The following COX18 variants were observed in gnomAD, a reference collection of about 807,000 sequenced individuals.
COX18 encodes cytochrome c oxidase assembly protein COX18, mitochondrial.
A neutral mutation model predicts 38.0 loss-of-function variants in COX18; 45 were observed. The observed-to-expected ratio is 1.18, with a 90% confidence interval of 0.93 to 1.52. The LOEUF is 1.52. Among genes scored for constraint, COX18 ranks in the 40% most tolerant of loss-of-function variants. COX18 has a pLI of 0.00. For synonymous variants in COX18, 177 were observed against 169.8 expected, an observed-to-expected ratio of 1.04 and a Z score of -0.33; for missense variants, 462 against 423.8, an observed-to-expected ratio of 1.09 and a Z score of -0.79.
chr4:73,065,015 A>G, intron 3 of COX18, 113 bp from the exon 4 acceptor site: 2 of 1,094,290 alleles, frequency 1.8e-6, no homozygotes, highest in South Asian at 3.1e-5. Flanking sequence ...CACAGGAAAG[A>G]TCTGCACTGG....
At position 73,056,101 on chromosome 4, in the gene COX18, T is replaced by C. The variant is rs1197680064; in HGVS notation, c.*2013A>G. Reference sequence around the variant, plus strand: ...CTAATGAATTTCACTTTAGTTTTTATTTTATTGTAAAACATTGAGATGGAA... The same window carrying C: ...CTAATGAATTTCACTTTAGTTTTTACTTTATTGTAAAACATTGAGATGGAA... On this transcript the variant is annotated 3_prime_UTR_variant, in exon 6 of 6. Transcript: ENST00000507544. 2 of 152,210 alleles carry C rather than the reference T, an allele frequency of 1.3e-5. No homozygotes were observed. Among genetic ancestry groups the C allele is most frequent in the African/African-American group, 4.8e-5 (2 of 41,458 alleles). 9.4% of individuals were successfully genotyped at this position (152,210 alleles called of 1,614,324 possible). A position where few individuals can be genotyped will look rare whatever the true frequency, so the allele number is the denominator to read the frequency against.
intron 5 of COX18, among the ~76,000 whole-genome samples, chr4:73,060,984 G>C (rs1720127408): frequency 6.6e-6 from 1 of 152,114 alleles, no homozygotes; most frequent in Non-Finnish European, 1.5e-5. Context: ...AGTAAACATG[G>C]AGATATACCT....
rs1245523237 is a variant in COX18 at position 73,061,917 on chromosome 4, A to T, written c.727T>A (p.Cys243Ser). 1.3e-6 allele frequency: 2 copies of T among 1,547,938 alleles called. No homozygotes were observed. Among genetic ancestry groups the T allele is most frequent in the East Asian group, 4.5e-5 (2 of 44,512 alleles). The change falls in exon 5 of 6, where the codon TGT becomes AGT. Residue 243 changes from cysteine to serine, a missense_variant. By Grantham distance (112) the Cys-to-Ser change is moderately radical. Transcript: ENST00000507544. ...GACATTCCAATTTTTTGTAGAGCACAAATCTGAAGGGGTAGAACATATACA... is the reference window on the plus strand; with the variant it reads ...GACATTCCAATTTTTTGTAGAGCACTAATCTGAAGGGGTAGAACATATACA... ...GVINLLIVEI[C>S]ALQKIGMSRF...
Position 73,064,802 on chromosome 4 carries a change from G to A in COX18, c.699C>T (p.Gly233=), listed in dbSNP as rs61741433. 1.1e-3 allele frequency: 1,798 copies of A among 1,613,620 alleles called. 6 individuals carry two copies. In the African/African-American group the frequency reaches 0.013, roughly 12 times the overall value. ...DSTWILPISV[G]VINLLIVEIC... is the part of the protein sequence containing the mutation. ...CCTCCACTATTAACAAATTGATGAC[G>A]CCAACAGAGATAGGCAGAATCCAAG... is the stretch of plus-strand genomic sequence containing the variant. The change falls in exon 4 of 6, where the codon GGC becomes GGT. Residue 233 remains glycine, a synonymous_variant. Transcript: ENST00000507544.
At position 73,069,706 on chromosome 4, in the gene COX18, G is replaced by C; in HGVS notation, c.-57C>G. The C allele has an allele frequency of 6.7e-7, 1 of 1,483,718 alleles. No individual in the cohort carries two copies. Among genetic ancestry groups the C allele is most frequent in the South Asian group, 1.2e-5 (1 of 82,654 alleles). 91.9% of individuals were successfully genotyped at this position (1,483,718 alleles called of 1,614,324 possible). A position where few individuals can be genotyped will look rare whatever the true frequency, so the allele number is the denominator to read the frequency against. On this transcript the variant is annotated 5_prime_UTR_variant, in exon 1 of 6. Transcript: ENST00000507544. ...CCTCACAATCCAGCGGACATACACC[G>C]GCCAGCCAAGGCTGATACGCGCACG...
In COX18 at chr4:73,069,587, C is replaced by A; in HGVS notation, c.63G>T (p.Arg21Ser). ...TAGGAACCGGCGCAAGCGGCAGGTC[C>A]CTAGCCCAAAGCTGCAGGGCAGGGA... The part of the protein sequence containing the change: ...RPLPALQLWA[R>S]DLPLAPVPTS... Residue 21 changes from arginine (R) to serine (S), a missense_variant, in exon 1 of 6, where the codon AGG (arginine) becomes AGT (serine). Physicochemically the swap from Arg to Ser is moderately radical, Grantham distance 110. Transcript: ENST00000507544. 6.4e-7 allele frequency: 1 copy of A among 1,560,250 alleles called. No homozygotes were observed. The highest frequency in any genetic ancestry group is 2.4e-5 in the East Asian group (1 of 42,046).
rs1719958220 is a variant in COX18 at position 73,057,633 on chromosome 4, T to A, written c.*481A>T. 1 of 152,754 alleles carries A rather than the reference T, an allele frequency of 6.5e-6. No homozygotes were observed. The highest frequency in any genetic ancestry group is 1.5e-5 in the Non-Finnish European group (1 of 68,444). The allele number at this position is 152,754 out of a possible 1,614,324, so 9.5% of individuals were successfully genotyped here. A position where few individuals can be genotyped will look rare whatever the true frequency, so the allele number is the denominator to read the frequency against. On this transcript the variant is annotated 3_prime_UTR_variant, in exon 6 of 6. Transcript: ENST00000507544. ...CACAAACATACTGCATTTATAACAT[T>A]TAAAAGATTTTAATTACTGTCAAAT...
At chr4:73,064,962 A>T in intron 3 of COX18, 60 bp from the exon 4 acceptor site, 5 of 1,520,450 alleles carry the variant, frequency 3.3e-6, no homozygotes, top group Non-Finnish European at 4.5e-6. Flanking sequence ...AAAAATATAT[A>T]AGACATAAAT....
At chr4:73,065,648 T>G (rs1720414276) in intron 2 of COX18, among the ~76,000 whole-genome samples, 1 of 152,204 alleles carries the variant, frequency 6.6e-6, no homozygotes, top group Non-Finnish European at 1.5e-5. Context: ...ATTGTCAGAC[T>G]ACAGGCTTTG....
chr4:73,059,382 C>T (rs1037178099), intron 5 of COX18, among the ~76,000 whole-genome samples: 8 of 152,212 alleles, frequency 5.3e-5, no homozygotes, highest in African/African-American at 1.9e-4. Flanking sequence ...ACTGCATCTA[C>T]CTCAGAGGAT....
chr4:73,063,792 T>C (rs13101277), intron 4 of COX18, among the ~76,000 whole-genome samples: 54,010 of 152,082 alleles, frequency 0.36, 11,079 homozygotes, highest in East Asian at 0.49. Flanking sequence ...TTTCCTCATC[T>C]GAAAGAATAA....
At chr4:73,066,244 C>A (rs1720441083) in intron 2 of COX18, among the ~76,000 whole-genome samples, 2 of 152,206 alleles carry the variant, frequency 1.3e-5, no homozygotes, top group South Asian at 4.1e-4. Context: ...ATATTCTGGT[C>A]TGAATGACTT....
Position 73,068,051 on chromosome 4 carries a change from C to T in COX18, c.412G>A (p.Gly138Arg), listed in dbSNP as rs1436526361. 2 of 1,611,228 alleles carry T rather than the reference C, an allele frequency of 1.2e-6. No homozygotes were observed. The highest frequency in any genetic ancestry group is 4.5e-5 in the East Asian group (2 of 44,736). The change falls in exon 2 of 6, where the codon GGG becomes AGG. Residue 138 changes from glycine to arginine, a missense_variant. By Grantham distance (125) the Gly-to-Arg change is moderately radical. Transcript: ENST00000507544. ...TACCTGGCATCTCTTTTGGACCACC[C>T]CAACTGATTTGCACGAACTGCAACT... is the stretch of plus-strand genomic sequence containing the variant. ...QEVAVRANQL[G>R]WSKRDARLTY...
rs1288284594 is a variant in COX18 at position 73,064,666 on chromosome 4, CT to C, written c.723+111del. Reference sequence around the variant, plus strand: ...TGGAACCAGGAACCAAGGGATCTCACTTCTAACTCAGAGCTATCTTCACCAA... The same window carrying C: ...TGGAACCAGGAACCAAGGGATCTCACTCTAACTCAGAGCTATCTTCACCAA... On this transcript the variant is annotated intron_variant, in intron 4 of 5. Coordinates refer to ENST00000507544, the MANE Select transcript of COX18 (RefSeq NM_001297732.2). 30 of 1,275,378 alleles carry C rather than the reference CT, an allele frequency of 2.4e-5. No individual in the cohort carries two copies. The Admixed American group carries it at 4.3e-4, about 18-fold the overall frequency. The allele number at this position is 1,275,378 out of a possible 1,614,324, so 79.0% of individuals were successfully genotyped here.
intron 4 of COX18, among the ~76,000 whole-genome samples, chr4:73,063,358 T>C (rs966513409): frequency 4.6e-5 from 7 of 151,984 alleles, no homozygotes; most frequent in Non-Finnish European, 7.4e-5. Flanking sequence ...TTGCACATAG[T>C]GTATGTTGAG....
chr4:73,067,996 G>A, intron 2 of COX18, 33 bp downstream of exon 2: 1 of 1,246,826 alleles, frequency 8.0e-7, no homozygotes, highest in Non-Finnish European at 1.2e-6. Flanking sequence ...GTGTATGTGT[G>A]CGTATGGTCT....
chr4:73,054,912 C>T lies in COX18; in HGVS notation c.*3202G>A, dbSNP rs1719832252. On this transcript the variant is annotated 3_prime_UTR_variant, in exon 6 of 6. Coordinates refer to ENST00000507544, the MANE Select transcript of COX18 (RefSeq NM_001297732.2). ...AGTCATCACATGAGCATACAAAAGA[C>T]ACTTAACTCTGCAGATTCCGCTGGA... 1 of 152,186 alleles carries T rather than the reference C, an allele frequency of 6.6e-6. No homozygotes were observed. The highest frequency in any genetic ancestry group is 1.5e-5 in the Non-Finnish European group (1 of 68,030). 9.4% of individuals were successfully genotyped at this position (152,186 alleles called of 1,614,324 possible).
intron 4 of COX18, 112 bp downstream of exon 4, chr4:73,064,666 C>T: frequency 7.8e-7 from 1 of 1,275,376 alleles, no homozygotes; most frequent in East Asian, 2.7e-5. Flanking sequence ...AGGGATCTCA[C>T]TTCTAACTCA....
At chr4:73,062,663 C>T (rs1377380530) in intron 4 of COX18, among the ~76,000 whole-genome samples, 1 of 152,094 alleles carries the variant, frequency 6.6e-6, no homozygotes, top group African/African-American at 2.4e-5. Context: ...ATAGCGAAAC[C>T]ATCTCTACAG....
Sources: gnomAD v4.1 joint callset for allele counts (sites outside exome capture counted in the v4.1 genomes callset) on GRCh38, gnomAD v4.1.1 for gene constraint, MANE v1.5 for transcripts, NCBI Gene and HGNC (gene_info 2026-07-23, HGNC 2026-07-21) for gene names.